The following CIAO3 variants were observed in gnomAD, a reference collection of about 807,000 sequenced individuals.
CIAO3 encodes the protein LET1 like/JFP15.
CIAO3 carries 45 observed loss-of-function variants against 51.5 expected under a neutral mutation model. The observed-to-expected ratio is 0.87, with a 90% CI of 0.69 to 1.12. CIAO3 has a LOEUF of 1.12. Among genes scored for constraint, CIAO3 ranks in the 50% most tolerant of loss-of-function variants. The pLI is 0.00. For synonymous variants in CIAO3, 314 were observed against 269.3 expected (o/e 1.17, Z -1.63); for missense variants, 668 against 632.5 (o/e 1.06, Z -0.60).
Position 730,565 on chromosome 16 carries a change from C to G in CIAO3, c.1283G>C (p.Arg428Pro), listed in dbSNP as rs772944113. The G allele has an allele frequency of 2.5e-6, 4 of 1,610,880 alleles. No individual in the cohort carries two copies. The highest frequency in any genetic ancestry group is 2.2e-5 in the East Asian group (1 of 44,902). ...AGGCGCGTCCTCGGGCGCCTCAGCC[C>G]GGACCATGCCGTACAGTCTCTCCAC... ...QHVERLYGMV[R>P]AEAPEDAPGV... The change falls in exon 11 of 11, where the codon CGG becomes CCG. Residue 428 changes from arginine to proline, a missense_variant. By Grantham distance (103) the Arg-to-Pro change is moderately radical. Transcript: ENST00000251588.
chr16:730,271 G>A lies in CIAO3; in HGVS notation c.*146C>T, dbSNP rs1283593600. On this transcript the variant is annotated 3_prime_UTR_variant, in exon 11 of 11. Coordinates refer to ENST00000251588, the MANE Select transcript of CIAO3 (RefSeq NM_022493.3). ...AACTGGAGGTGACGAGGCGGCTGCG[G>A]GTCCTGGCTAGTCCTAGCTCCTACT... The A allele has an allele frequency of 4.3e-5, 34 of 789,822 alleles. No homozygotes were observed. The highest frequency in any genetic ancestry group is 6.6e-5 in the Non-Finnish European group (33 of 497,566). The allele number at this position is 789,822 out of a possible 1,614,324, so 48.9% of individuals were successfully genotyped here.
In CIAO3 at chr16:737,485, A is replaced by G. The variant is rs2041351529; in HGVS notation, c.163-156T>C. Reference sequence around the variant, plus strand: ...TTAAAAATTAGGTATGTATTACAAAAATGCACACGCACGCTCTACAGTTTC... The same window carrying G: ...TTAAAAATTAGGTATGTATTACAAAGATGCACACGCACGCTCTACAGTTTC... On this transcript the variant is annotated intron_variant, in intron 2 of 10. Coordinates refer to ENST00000251588, the MANE Select transcript of CIAO3 (RefSeq NM_022493.3). This position sits in a 1 kb window ranked among gnomAD's most constrained non-coding sequence, Gnocchi z 5.3. The G allele has an allele frequency of 2.0e-6, 3 of 1,520,664 alleles. No individual in the cohort carries two copies. The South Asian group carries it at 3.6e-5, about 18-fold the overall frequency. The allele number at this position is 1,520,664 out of a possible 1,614,324, so 94.2% of individuals were successfully genotyped here.
In CIAO3 at chr16:734,734, C is replaced by G. The variant is rs1242861213; in HGVS notation, c.574+3G>C. ...TCTCCCACCACCCGCACCATGAGCA[C>G]ACCTGGGCAGGCAGAGGCCAGCAGG... On this transcript the variant is annotated splice_donor_region_variant and intron_variant, in intron 5 of 10. Coordinates refer to ENST00000251588, the MANE Select transcript of CIAO3 (RefSeq NM_022493.3). The G allele has an allele frequency of 6.2e-7, 1 of 1,612,796 alleles. No individual in the cohort carries two copies. Among genetic ancestry groups the G allele is most frequent in the Non-Finnish European group, 8.5e-7 (1 of 1,179,840 alleles).
intron 9 of CIAO3, 131 bp downstream of exon 9, chr16:731,434 C>T: frequency 1.5e-6 from 2 of 1,292,644 alleles, no homozygotes. Flanking sequence ...GCCCCAGGGT[C>T]CCCTCCAAAC....
rs1174858848 is a variant in CIAO3 at position 737,346 on chromosome 16, C to T, written c.163-17G>A. 18 of 1,612,306 alleles carry T rather than the reference C, an allele frequency of 1.1e-5. No individual in the cohort carries two copies. The Admixed American group carries it at 2.8e-4, about 25-fold the overall frequency. ...CCCGCCGTCCTACAAGGGAGAAGAA[C>T]CCGGTGCACAGGGGCCCCCTCTGCA... is the stretch of plus-strand genomic sequence containing the variant. On this transcript the variant is annotated splice_polypyrimidine_tract_variant and intron_variant, in intron 2 of 10. Coordinates refer to ENST00000251588, the MANE Select transcript of CIAO3 (RefSeq NM_022493.3). The surrounding 1 kb of genome is among the most constrained non-coding windows in gnomAD (Gnocchi z 5.3).
chr16:730,778 T>C, intron 10 of CIAO3, 65 bp downstream of exon 10: 1 of 1,591,974 alleles, frequency 6.3e-7, no homozygotes, highest in Non-Finnish European at 8.6e-7. Context: ...CCCAGCCTGG[T>C]GGATGGTGGC....
At chr16:739,895 C>T in intron 1 of CIAO3, 157 bp from the exon 2 acceptor site, 5 of 1,201,048 alleles carry the variant, frequency 4.2e-6, no homozygotes, top group East Asian at 2.5e-5. Flanking sequence ...CTTCTTCCTG[C>T]CCCACTGCTC....
intron 6 of CIAO3, chr16:733,825 C>G (rs2041309584): frequency 2.8e-6 from 1 of 359,822 alleles, no homozygotes; most frequent in Non-Finnish European, 5.3e-6. Flanking sequence ...CGCTCGAGGC[C>G]CAGGCACCAC....
intron 3 of CIAO3, among the ~76,000 whole-genome samples, 195 bp from the exon 4 acceptor site, chr16:736,593 C>T (rs1360010960): frequency 1.3e-5 from 2 of 152,042 alleles, no homozygotes; most frequent in East Asian, 3.9e-4. Context: ...GAGCTCACTG[C>T]ATGCAACCTC....
intron 6 of CIAO3, chr16:733,992 C>A: frequency 1.9e-6 from 1 of 517,644 alleles, no homozygotes. Context: ...CTCCTGCTCC[C>A]TCAGCCTCAG....
intron 1 of CIAO3, chr16:740,586 T>G: frequency 2.4e-6 from 1 of 423,464 alleles, no homozygotes; most frequent in Non-Finnish European, 4.3e-6. Context: ...GTTAGGGATG[T>G]GTGGGAGCCG....
rs1340535405 is a variant in CIAO3 at position 730,012 on chromosome 16, C to T, written c.*405G>A. 2.9e-6 allele frequency: 1 copy of T among 348,362 alleles called. No individual in the cohort carries two copies. The highest frequency in any genetic ancestry group is 5.4e-6 in the Non-Finnish European group (1 of 186,004). The allele number at this position is 348,362 out of a possible 1,614,324, so 21.6% of individuals were successfully genotyped here. On this transcript the variant is annotated 3_prime_UTR_variant, in exon 11 of 11. Coordinates refer to ENST00000251588, the MANE Select transcript of CIAO3 (RefSeq NM_022493.3). ...GTCTCCCACCTTTTGCACAGAGCTT[C>T]AAGGGAAGCCTCCAGAAGTCAGGGG...
chr16:733,968 G>C (rs978874659), intron 6 of CIAO3: 6 of 478,774 alleles, frequency 1.3e-5, no homozygotes, highest in Non-Finnish European at 2.3e-5. Context: ...CTCCAGGCCC[G>C]GACTGCCCAG....
In CIAO3 at chr16:739,738, C is replaced by G. The variant is rs1236252783; in HGVS notation, c.67G>C (p.Glu23Gln). 2 of 1,613,602 alleles carry G rather than the reference C, an allele frequency of 1.2e-6. No individual in the cohort carries two copies. Among genetic ancestry groups the G allele is most frequent in the African/African-American group, 1.3e-5 (1 of 74,928 alleles). ...TCCACTTTGACAGGCTTGATGCACTCCTAGAGCAGGAAGAGACCCCAAATC... is the reference window on the plus strand; with the variant it reads ...TCCACTTTGACAGGCTTGATGCACTGCTAGAGCAGGAAGAGACCCCAAATC... ...DLDDFIGPSQ[E>Q]CIKPVKVEKR... Residue 23 changes from glutamate (E) to glutamine (Q), a missense_variant and splice_region_variant, in exon 2 of 11, where the codon GAG becomes CAG. Coordinates refer to ENST00000251588, the MANE Select transcript of CIAO3 (RefSeq NM_022493.3).
At position 734,816 on chromosome 16, in the gene CIAO3, G is replaced by C; in HGVS notation, c.495C>G (p.Ser165Arg). The C allele has an allele frequency of 6.2e-7, 1 of 1,602,250 alleles. No individual in the cohort carries two copies. Among genetic ancestry groups the C allele is most frequent in the African/African-American group, 1.3e-5 (1 of 74,924 alleles). The change falls in exon 5 of 11, where the codon AGC becomes AGG. Residue 165 changes from serine to arginine, a missense_variant. By Grantham distance (110) the Ser-to-Arg change is moderately radical. Coordinates refer to ENST00000251588, the MANE Select transcript of CIAO3 (RefSeq NM_022493.3). Reference sequence around the variant, plus strand: ...GGAATCGCCGCACAAACTCTCGCTGGCTCTCCAGGAGGCTGAAGTGCCTTG... The same window carrying C: ...GGAATCGCCGCACAAACTCTCGCTGCCTCTCCAGGAGGCTGAAGTGCCTTG... ...AFSRHFSLLE[S>R]QREFVRRFRG... is the part of the protein sequence containing the mutation.
Position 737,462 on chromosome 16 carries a change from A to T in CIAO3, c.163-133T>A. On this transcript the variant is annotated intron_variant, in intron 2 of 10. Coordinates refer to ENST00000251588, the MANE Select transcript of CIAO3 (RefSeq NM_022493.3). This position sits in a 1 kb window ranked among gnomAD's most constrained non-coding sequence, Gnocchi z 5.3. ...TGGGCTTGTGTGCCGCTGAATTTTT[A>T]AAAATTAGGTATGTATTACAAAAAT... 3.9e-6 allele frequency: 6 copies of T among 1,538,992 alleles called. No homozygotes were observed. The highest frequency in any genetic ancestry group is 5.2e-6 in the Non-Finnish European group (6 of 1,144,404).
rs772232143 is a variant in CIAO3 at position 734,812 on chromosome 16, G to A, written c.499C>T (p.Arg167Ter). The A allele has an allele frequency of 1.1e-5, 17 of 1,603,470 alleles. No homozygotes were observed. The highest frequency in any genetic ancestry group is 1.3e-5 in the African/African-American group (1 of 74,796). ...SRHFSLLESQ[R>*]EFVRRFRGQA... is the part of the protein sequence containing the mutation. ...CCTCGGAATCGCCGCACAAACTCTC[G>A]CTGGCTCTCCAGGAGGCTGAAGTGC... is the stretch of plus-strand genomic sequence containing the variant. Residue 167 changes from arginine to a stop codon, truncating the protein, a stop_gained, in exon 5 of 11, where the codon CGA becomes TGA. Transcript: ENST00000251588. LOFTEE classifies it high-confidence loss of function.
In CIAO3 at chr16:733,294, G is replaced by T. The variant is rs972995314; in HGVS notation, c.823+4C>A. ...GGGCTCAGGGCCGCACGGCGTGACC[G>T]CACCTGTTGTGAGGACACAGTCCAC... is the stretch of plus-strand genomic sequence containing the variant. On this transcript the variant is annotated splice_donor_region_variant and intron_variant, in intron 7 of 10. Transcript: ENST00000251588. 1 of 1,613,038 alleles carries T rather than the reference G, an allele frequency of 6.2e-7. No individual in the cohort carries two copies. Among genetic ancestry groups the T allele is most frequent in the Non-Finnish European group, 8.5e-7 (1 of 1,179,818 alleles).
At chr16:732,782 G>A in intron 7 of CIAO3, 1 of 341,684 alleles carries the variant, frequency 2.9e-6, no homozygotes, top group Non-Finnish European at 5.7e-6. Context: ...GATTACAGGA[G>A]CACCACCACT....
Sources: gnomAD v4.1 joint callset for allele counts (sites outside exome capture counted in the v4.1 genomes callset) on GRCh38, gnomAD v4.1.1 for gene constraint, Gnocchi (gnomAD v3.1) non-coding constraint, MANE v1.5 for transcripts, NCBI Gene and HGNC (gene_info 2026-07-23, HGNC 2026-07-21) for gene names.